KLF15: variants seen among roughly 807,000 people sequenced by gnomAD.
KLF15 encodes the protein KLF transcription factor 15, also known as Krueppel-like factor 15.
Under a neutral mutation model 24.6 loss-of-function variants are expected in KLF15, and 4 were observed. That is an observed-to-expected ratio of 0.16 (90% CI 0.08 to 0.37). KLF15 has a LOEUF of 0.37. KLF15 is among the 10% of genes least tolerant of loss of function. The pLI, the probability that KLF15 is intolerant of heterozygous loss-of-function variation, is 1.00. For missense variants in KLF15, 496 were observed against 560.6 expected (o/e 0.88, Z 1.16); for synonymous variants, 246 against 236.3 (o/e 1.04, Z -0.37).
chr3:126,296,194 T>C, the KLF15 span, among the ~76,000 whole-genome samples: 14 of 152,204 alleles, frequency 9.2e-5, no homozygotes, highest in African/African-American at 2.9e-4. Context: ...GCTTGAAAAA[T>C]CTTACTGTTA....
At position 126,343,148 on chromosome 3, in the gene KLF15, TC is replaced by T. The variant is rs1398383283; in HGVS notation, c.*578del. 8 of 15,082 alleles carry T rather than the reference TC, an allele frequency of 5.3e-4. No individual in the cohort carries two copies. The highest frequency in any genetic ancestry group is 1.9e-3 in the African/African-American group (8 of 4,294). The allele number at this position is 15,082 out of a possible 1,614,324, so 0.9% of individuals were successfully genotyped here. On this transcript the variant is annotated 3_prime_UTR_variant, in exon 3 of 3. Coordinates refer to ENST00000296233, the MANE Select transcript of KLF15 (RefSeq NM_014079.4). ...CCCACATGAGGGCCCAGCGGCCCGG[TC>T]CTGCCCCCCCCCCCCCCCCCCCCCC... is the stretch of plus-strand genomic sequence containing the variant.
At chr3:126,323,457 ATAT>A in the KLF15 span, among the ~76,000 whole-genome samples, 366 of 98,428 alleles carry the variant, frequency 3.7e-3, 28 homozygotes, top group African/African-American at 0.017. Context: ...TTATATATAT[ATAT>A]AACATATATA....
intron 1 of KLF15, among the ~76,000 whole-genome samples, chr3:126,353,706 T>C (rs1487534571): frequency 6.6e-6 from 1 of 152,090 alleles, no homozygotes; most frequent in Non-Finnish European, 1.5e-5. Flanking sequence ...GCTCCTCCAC[T>C]CTCCAGTCCT....
the KLF15 span, among the ~76,000 whole-genome samples, chr3:126,309,600 G>C: frequency 1.4e-4 from 21 of 152,334 alleles, no homozygotes; most frequent in African/African-American, 4.8e-4. Flanking sequence ...AGTTGAGAGG[G>C]CCTACAAGAA....
the KLF15 span, among the ~76,000 whole-genome samples, chr3:126,328,233 A>C: frequency 6.6e-6 from 1 of 152,152 alleles, no homozygotes; most frequent in African/African-American, 2.4e-5. Context: ...CTCCAATCTC[A>C]TTTAGGTCAC....
the KLF15 span, among the ~76,000 whole-genome samples, chr3:126,290,172 T>A: frequency 6.6e-6 from 1 of 151,548 alleles, no homozygotes; most frequent in Non-Finnish European, 1.5e-5. Context: ...GGAGTAGGGG[T>A]CCCAAGTTTT....
intron 2 of KLF15, among the ~76,000 whole-genome samples, chr3:126,344,233 A>T (rs749104649): frequency 2.7e-5 from 4 of 150,466 alleles, no homozygotes; most frequent in Non-Finnish European, 4.4e-5. Context: ...TAGTTTTTGT[A>T]TTTTTTTTTA....
At chr3:126,298,638 T>G in the KLF15 span, among the ~76,000 whole-genome samples, 58 of 152,266 alleles carry the variant, frequency 3.8e-4, no homozygotes, top group African/African-American at 1.2e-3. Flanking sequence ...CTTGACTTGA[T>G]TTTTGTATAA....
Position 126,352,290 on chromosome 3 carries a change from G to T in KLF15, c.633C>A (p.Pro211=). The change falls in exon 2 of 3, where the codon CCC becomes CCA. Residue 211 remains proline, a synonymous_variant. Transcript: ENST00000296233. The stretch of plus-strand genomic sequence containing the variant: ...ACACTGGGATGGGGCCATCAGGCGT[G>T]GGGCCCCCACCTGGGCCCTGGGCAC... ...AGGAQGPGGG[P]TPDGPIPVLL... is the part of the protein sequence containing the mutation. 6.5e-7 allele frequency: 1 copy of T among 1,546,386 alleles called. No homozygotes were observed.
downstream of KLF15, chr3:126,342,615 A>G (rs556878672): frequency 6.6e-6 from 1 of 152,620 alleles, no homozygotes; most frequent in Non-Finnish European, 1.5e-5. Flanking sequence ...GCAGGAAAAC[A>G]GCACATGAAT....
At chr3:126,323,533 T>C in the KLF15 span, among the ~76,000 whole-genome samples, 1 of 130,632 alleles carries the variant, frequency 7.7e-6, no homozygotes, top group African/African-American at 3.0e-5. Flanking sequence ...TATAAATATG[T>C]ATGTTAATTT....
the KLF15 span, among the ~76,000 whole-genome samples, chr3:126,298,364 G>A: frequency 4.0e-5 from 6 of 150,594 alleles, no homozygotes; most frequent in African/African-American, 1.5e-4. Flanking sequence ...TCCTTTGTTG[G>A]ATGTATAGAC....
At chr3:126,321,470 C>T in the KLF15 span, among the ~76,000 whole-genome samples, 9 of 152,242 alleles carry the variant, frequency 5.9e-5, no homozygotes, top group African/African-American at 1.9e-4. Context: ...GTGCCTGGTT[C>T]CATCTGCAGC....
chr3:126,349,971 C>T (rs929676638), intron 2 of KLF15, among the ~76,000 whole-genome samples: 3 of 152,190 alleles, frequency 2.0e-5, no homozygotes, highest in Non-Finnish European at 4.4e-5. Context: ...GTACAAACAA[C>T]AAGGAGGCCG....
Position 126,343,723 on chromosome 3 carries a change from G to T in KLF15, c.*4C>A, listed in dbSNP as rs1398949786. 2 of 1,609,162 alleles carry T rather than the reference G, an allele frequency of 1.2e-6. No homozygotes were observed. The highest frequency in any genetic ancestry group is 2.7e-5 in the African/African-American group (2 of 74,654). ...TGACGGACAGGCTGGGGTTCAGGGC[G>T]CTTTCAGTTCACGGAGCGCACGGAG... On this transcript the variant is annotated 3_prime_UTR_variant, in exon 3 of 3. Coordinates refer to ENST00000296233, the MANE Select transcript of KLF15 (RefSeq NM_014079.4).
chr3:126,341,327 C>T (rs993064343), downstream of KLF15, among the ~76,000 whole-genome samples: 4 of 152,182 alleles, frequency 2.6e-5, no homozygotes, highest in African/African-American at 7.2e-5. Context: ...CGTGTCCGGC[C>T]GGTCCTTGGC....
the KLF15 span, among the ~76,000 whole-genome samples, chr3:126,317,767 G>A: frequency 6.6e-6 from 1 of 152,120 alleles, no homozygotes; most frequent in South Asian, 2.1e-4. Flanking sequence ...TCTTCCAAGT[G>A]TACTTTACCT....
chr3:126,304,496 T>G, the KLF15 span, among the ~76,000 whole-genome samples: 3 of 152,200 alleles, frequency 2.0e-5, no homozygotes, highest in African/African-American at 7.2e-5. Context: ...AGCACTGACA[T>G]GTTTACAGCT....
At position 126,352,916 on chromosome 3, in the gene KLF15, C is replaced by T. The variant is rs1366793530; in HGVS notation, c.7G>A (p.Asp3Asn). 1 of 1,603,750 alleles carries T rather than the reference C, an allele frequency of 6.2e-7. No homozygotes were observed. The highest frequency in any genetic ancestry group is 1.1e-5 in the South Asian group (1 of 89,396). The change falls in exon 2 of 3, where the codon GAC becomes AAC. Residue 3 changes from aspartate (D) to asparagine (N), a missense_variant. Asp to Asn is a conservative substitution (Grantham distance 23). Around this residue, in one of 3 missense-constraint regions of KLF15, gnomAD observed 399 missense variants for 423.1 expected, o/e 0.94. Coordinates refer to ENST00000296233, the MANE Select transcript of KLF15 (RefSeq NM_014079.4). ...TTCTCGTCCACTGGAAGTAAGTGGTCCACCATGCTGGCCTGGCCGTGCCGG... is the reference window on the plus strand; with the variant it reads ...TTCTCGTCCACTGGAAGTAAGTGGTTCACCATGCTGGCCTGGCCGTGCCGG... MV[D>N]HLLPVDENFS...
Sources: allele counts gnomAD v4.1 joint callset (sites outside exome capture counted in the v4.1 genomes callset), GRCh38; gene constraint gnomAD v4.1.1; regional missense constraint gnomAD v4.1.1; transcripts MANE v1.5; gene names NCBI Gene and HGNC (gene_info 2026-07-23, HGNC 2026-07-21).